Variants in CCAR1 observed in about 807,000 individuals in gnomAD.
CCAR1 encodes the protein cell division cycle and apoptosis regulator 1.
A neutral mutation model predicts 163.8 loss-of-function variants in CCAR1; 78 were observed. The ratio of observed to expected loss-of-function variants is 0.48; its 90% CI spans 0.40 to 0.57. CCAR1 has a LOEUF of 0.57. Ranked by LOEUF, CCAR1 falls within the 20% of genes least tolerant of loss-of-function variation. The probability of loss-of-function intolerance (pLI) is 0.00; values close to 1 mark genes in which losing one functional copy is unlikely to be tolerated. For missense variants in CCAR1, 1,019 were observed against 1,365.2 expected (o/e 0.75, Z 4.00); for synonymous variants, 443 against 460.7 (o/e 0.96, Z 0.49).
chr10:68,789,810 C>T lies in CCAR1; in HGVS notation c.3288C>T (p.Asn1096=). The T allele has an allele frequency of 6.2e-7, 1 of 1,607,908 alleles. No individual in the cohort carries two copies. Among genetic ancestry groups the T allele is most frequent in the Admixed American group, 1.7e-5 (1 of 59,242 alleles). ...AGGACCTTAGTCAGTTACAAGAAAA[C>T]TTAAAGATTTCGGAAAACATGAATT... is the stretch of plus-strand genomic sequence containing the variant. ...VKKDLSQLQE[N]LKISENMNLQ... is the part of the protein sequence containing the mutation. The change falls in exon 24 of 25, where the codon AAC becomes AAT. Residue 1096 remains asparagine, a synonymous_variant. Coordinates refer to ENST00000265872, the MANE Select transcript of CCAR1 (RefSeq NM_018237.4).
intron 4 of CCAR1, among the ~76,000 whole-genome samples, chr10:68,738,409 C>T (rs2056140795): frequency 6.6e-6 from 1 of 151,976 alleles, no homozygotes; most frequent in African/African-American, 2.4e-5. Context: ...GCCTGGGCAA[C>T]AAGAGCGAAA....
chr10:68,789,773 G>A lies in CCAR1; in HGVS notation c.3251G>A (p.Arg1084Lys), dbSNP rs2056833257. The change falls in exon 24 of 25, where the codon AGA becomes AAA. Residue 1084 changes from arginine (R) to lysine (K), a missense_variant. Transcript: ENST00000265872. Reference sequence around the variant, plus strand: ...AACAAAAGCCTCTCTGGTGAACTCAGAGAAGTTAAAAAGGACCTTAGTCAG... The same window carrying A: ...AACAAAAGCCTCTCTGGTGAACTCAAAGAAGTTAAAAAGGACCTTAGTCAG... Reference protein sequence around the residue: ...NSNKSLSGELREVKKDLSQLQ... With the variant: ...NSNKSLSGELKEVKKDLSQLQ... 3 of 1,607,798 alleles carry A rather than the reference G, an allele frequency of 1.9e-6. No homozygotes were observed. The African/African-American group carries it at 4.0e-5, about 22-fold the overall frequency.
chr10:68,753,735 C>CT, intron 10 of CCAR1, 117 bp from the exon 11 acceptor site: 3 of 725,352 alleles, frequency 4.1e-6, no homozygotes, highest in Non-Finnish European at 7.0e-6. Context: ...TAGTAACTGA[C>CT]TTTGTCTTTT....
intron 2 of CCAR1, chr10:68,735,645 A>G (rs942931477): frequency 6.6e-6 from 1 of 151,826 alleles, no homozygotes; most frequent in African/African-American, 2.4e-5. Context: ...GGCCCAAGTG[A>G]TCCTCCTACT....
chr10:68,740,587 T>C (rs2056169593), intron 4 of CCAR1, 42 bp from the exon 5 acceptor site: 3 of 1,560,964 alleles, frequency 1.9e-6, no homozygotes, highest in Non-Finnish European at 2.6e-6. Flanking sequence ...GCAACAATTC[T>C]GATTGACCCT....
At chr10:68,735,717 C>G (rs1055782354) in intron 2 of CCAR1, 1 of 152,102 alleles carries the variant, frequency 6.6e-6, no homozygotes, top group Non-Finnish European at 1.5e-5. Flanking sequence ...ACATTTTTTT[C>G]TTCAAAGACT....
At chr10:68,772,238 AT>A (rs2056613010) in intron 18 of CCAR1, among the ~76,000 whole-genome samples, 1 of 151,988 alleles carries the variant, frequency 6.6e-6, no homozygotes, top group Non-Finnish European at 1.5e-5. Flanking sequence ...ATCCCAGCAC[AT>A]TGGGAGTCCA....
rs748641938 is a variant in CCAR1 at position 68,730,326 on chromosome 10, AAT to A, written c.74-6531_74-6530del. 4.0e-3 allele frequency among the ~76,000 whole-genome samples: 575 copies of A among 144,906 alleles called. 3 individuals carry two copies. The highest frequency in any genetic ancestry group is 0.01 in the African/African-American group (415 of 39,582). ...AAACTGATTGTAGTTTTTAAAAAAGAATATATATATATATATATATTTATTTT... is the reference window on the plus strand; with the variant it reads ...AAACTGATTGTAGTTTTTAAAAAAGAATATATATATATATATATTTATTTT... On this transcript the variant is annotated intron_variant, in intron 2 of 24. Transcript: ENST00000265872.
chr10:68,790,899 A>G (rs920485146), intron 24 of CCAR1, among the ~76,000 whole-genome samples: 4 of 149,062 alleles, frequency 2.7e-5, no homozygotes, highest in African/African-American at 7.4e-5. Context: ...GGGTTTCACC[A>G]TCTTTCCCAG....
intron 21 of CCAR1, chr10:68,787,688 G>T (rs2056810848): frequency 3.2e-6 from 1 of 317,054 alleles, no homozygotes. Context: ...TACAAAAATT[G>T]GCCAGGCATG....
At chr10:68,740,556 C>G in intron 4 of CCAR1, 73 bp from the exon 5 acceptor site, 4 of 1,152,288 alleles carry the variant, frequency 3.5e-6, no homozygotes, top group Middle Eastern at 2.0e-4. Context: ...AGGATTATTT[C>G]TTTTATGAAG....
rs970494266 is a variant in CCAR1 at position 68,756,149 on chromosome 10, T to C, written c.1626-124T>C. 1 of 659,736 alleles carries C rather than the reference T, an allele frequency of 1.5e-6. No homozygotes were observed. The highest frequency in any genetic ancestry group is 2.6e-6 in the Non-Finnish European group (1 of 382,624). 40.9% of individuals were successfully genotyped at this position (659,736 alleles called of 1,614,324 possible). The stretch of plus-strand genomic sequence containing the variant: ...GGAACTATGGCTTCTATAATTTTTT[T>C]TTCTTTAGACCAACCTCAAGTTCTT... On this transcript the variant is annotated intron_variant, in intron 13 of 24. Coordinates refer to ENST00000265872, the MANE Select transcript of CCAR1 (RefSeq NM_018237.4). The surrounding 1 kb of genome is among the most constrained non-coding windows in gnomAD (Gnocchi z 5.1).
chr10:68,786,194 C>T lies in CCAR1; in HGVS notation c.2709C>T (p.Cys903=), dbSNP rs753880971. The T allele has an allele frequency of 1.9e-6, 3 of 1,608,962 alleles. No individual in the cohort carries two copies. The South Asian group carries it at 3.3e-5, about 18-fold the overall frequency. The change falls in exon 20 of 25, where the codon TGC becomes TGT. Residue 903 remains cysteine, a synonymous_variant. Coordinates refer to ENST00000265872, the MANE Select transcript of CCAR1 (RefSeq NM_018237.4). ...RDDKRDINRY[C]KERPSKDKEK... is the part of the protein sequence containing the mutation. ...ACAAAAGAGATATCAACAGATACTG[C>T]AAGGAGAGGCCCTCTAAAGATAAGG...
At chr10:68,746,455 C>A (rs1444515498) in intron 6 of CCAR1, among the ~76,000 whole-genome samples, 1 of 152,068 alleles carries the variant, frequency 6.6e-6, no homozygotes, top group African/African-American at 2.4e-5. Context: ...GTCTTGAACT[C>A]CTGACCATGT....
intron 17 of CCAR1, among the ~76,000 whole-genome samples, chr10:68,768,911 CAT>C (rs1238335968): frequency 4.6e-5 from 7 of 152,176 alleles, no homozygotes; most frequent in Non-Finnish European, 7.3e-5. Flanking sequence ...ATCTGATTAA[CAT>C]ATTTTAGCAA....
intron 2 of CCAR1, among the ~76,000 whole-genome samples, chr10:68,730,006 G>A (rs1260299673): frequency 1.3e-5 from 2 of 150,962 alleles, no homozygotes; most frequent in Non-Finnish European, 3.0e-5. Context: ...TGTAACCTCC[G>A]CCTCCCGTGT....
chr10:68,768,251 T>G (rs1257204133), intron 17 of CCAR1, among the ~76,000 whole-genome samples: 1 of 152,210 alleles, frequency 6.6e-6, no homozygotes, highest in African/African-American at 2.4e-5. Context: ...TTTTCCAATG[T>G]TAATTATTCC....
At chr10:68,743,404 T>C (rs1320373249) in intron 6 of CCAR1, among the ~76,000 whole-genome samples, 1 of 151,800 alleles carries the variant, frequency 6.6e-6, no homozygotes, top group Non-Finnish European at 1.5e-5. Flanking sequence ...GACCTCACGA[T>C]CCACCTGCCT....
chr10:68,742,404 G>C lies in CCAR1; in HGVS notation c.353G>C (p.Ser118Thr). 1 of 1,613,658 alleles carries C rather than the reference G, an allele frequency of 6.2e-7. No individual in the cohort carries two copies. ...QPAVALPTSLSLSTPQPTAQI... is the reference protein window; with the variant it reads ...QPAVALPTSLTLSTPQPTAQI... The stretch of plus-strand genomic sequence containing the variant: ...GCTGTTGCACTGCCTACAAGCCTTA[G>C]CCTGTCTACTCCTCAGCCAACAGCA... Residue 118 changes from serine to threonine, a missense_variant, in exon 6 of 25, where the codon AGC becomes ACC. Ser to Thr is a moderately conservative substitution (Grantham distance 58). Coordinates refer to ENST00000265872, the MANE Select transcript of CCAR1 (RefSeq NM_018237.4).
Sources: gnomAD v4.1 joint callset for allele counts (sites outside exome capture counted in the v4.1 genomes callset) on GRCh38, gnomAD v4.1.1 for gene constraint, Gnocchi (gnomAD v3.1) non-coding constraint, MANE v1.5 for transcripts, NCBI Gene and HGNC (gene_info 2026-07-23, HGNC 2026-07-21) for gene names.